The following EMCN variants were observed in gnomAD, a reference collection of about 807,000 sequenced individuals.
The protein encoded by EMCN is endomucin, also known as MUC-14.
A neutral mutation model predicts 38.4 loss-of-function variants in EMCN; 37 were observed. The observed-to-expected ratio is 0.96, with a 90% CI of 0.74 to 1.27. The LOEUF is 1.27. Among genes scored for constraint, EMCN ranks in the 50% most tolerant of loss-of-function variants. The probability of loss-of-function intolerance (pLI) is 0.00; values close to 1 mark genes in which losing one functional copy is unlikely to be tolerated. For missense variants in EMCN, 318 were observed against 302.8 expected, an observed-to-expected ratio of 1.05 and a Z score of -0.37; for synonymous variants, 95 against 100.8, an observed-to-expected ratio of 0.94 and a Z score of 0.35.
In EMCN at chr4:100,475,658, CCTTTTT is replaced by C. The variant is rs1728618850; in HGVS notation, c.188-555_188-550del. Among the ~76,000 whole-genome samples the C allele has an allele frequency of 1.3e-4, 14 of 108,102 alleles. 1 individual carries two copies. The highest frequency in any genetic ancestry group is 3.7e-4 in the African/African-American group (10 of 27,108). 70.9% of individuals were successfully genotyped at this position (108,102 alleles called of 152,430 possible). A position where few individuals can be genotyped will look rare whatever the true frequency, so the allele number is the denominator to read the frequency against. On this transcript the variant is annotated intron_variant, in intron 2 of 11. Coordinates refer to ENST00000296420, the MANE Select transcript of EMCN (RefSeq NM_016242.4). ...CTTGAGGGCAGTATCCAATTCTAGT[CCTTTTT>C]TTTTTTTTTTTTTTTTTTTTTTTTT...
chr4:100,468,954 G>A (rs1363119531), intron 3 of EMCN, among the ~76,000 whole-genome samples: 1 of 151,808 alleles, frequency 6.6e-6, no homozygotes, highest in Non-Finnish European at 1.5e-5. Flanking sequence ...TAAAAGTAGA[G>A]GCATCACACT....
intron 5 of EMCN, among the ~76,000 whole-genome samples, chr4:100,424,283 T>C (rs1726984187): frequency 6.6e-6 from 1 of 152,142 alleles, no homozygotes. Context: ...CAGTATGAAG[T>C]GCTCTATTTA....
intron 5 of EMCN, among the ~76,000 whole-genome samples, chr4:100,430,894 T>C (rs1727178030): frequency 6.6e-6 from 1 of 152,200 alleles, no homozygotes; most frequent in Non-Finnish European, 1.5e-5. Flanking sequence ...AAAATCTAGA[T>C]ATTACTCTGC....
At chr4:100,505,118 C>T (rs1729447781) in intron 1 of EMCN, among the ~76,000 whole-genome samples, 1 of 152,196 alleles carries the variant, frequency 6.6e-6, no homozygotes, top group African/African-American at 2.4e-5. Flanking sequence ...ATGACCTTAC[C>T]TATCATTGGA....
intron 9 of EMCN, 112 bp from the exon 10 acceptor site, chr4:100,416,071 AAT>A (rs1726722692): frequency 1.7e-6 from 1 of 575,426 alleles, no homozygotes; most frequent in African/African-American, 2.0e-5. Context: ...ATATATATAT[AAT>A]GTGTGTGTAT....
intron 5 of EMCN, among the ~76,000 whole-genome samples, chr4:100,443,497 G>T (rs1727580959): frequency 6.6e-6 from 1 of 152,196 alleles, no homozygotes; most frequent in African/African-American, 2.4e-5. Context: ...TAGGGCAAAG[G>T]CTTAACAATT....
At chr4:100,420,104 C>T (rs900721038) in intron 8 of EMCN, among the ~76,000 whole-genome samples, 1 of 151,992 alleles carries the variant, frequency 6.6e-6, no homozygotes, top group Non-Finnish European at 1.5e-5. Context: ...ATTTACTGTA[C>T]CTTTAAAAAT....
intron 1 of EMCN, among the ~76,000 whole-genome samples, chr4:100,485,699 C>A (rs1191143998): frequency 6.6e-6 from 1 of 151,810 alleles, no homozygotes; most frequent in African/African-American, 2.4e-5. Flanking sequence ...GACCTGGCAC[C>A]AACTTCTTTT....
At chr4:100,484,476 T>C (rs1728890243) in intron 1 of EMCN, among the ~76,000 whole-genome samples, 1 of 152,190 alleles carries the variant, frequency 6.6e-6, no homozygotes, top group African/African-American at 2.4e-5. Context: ...GGCCTTGAAC[T>C]CCTGCGCTCA....
At position 100,479,832 on chromosome 4, in the gene EMCN, G is replaced by A. The variant is rs746924450; in HGVS notation, c.187+85C>T. The A allele has an allele frequency of 1.9e-4, 218 of 1,126,218 alleles. No homozygotes were observed. The Middle Eastern group carries it at 2.1e-3, about 11-fold the overall frequency. The allele number at this position is 1,126,218 out of a possible 1,614,324, so 69.8% of individuals were successfully genotyped here. A position where few individuals can be genotyped will look rare whatever the true frequency, so the allele number is the denominator to read the frequency against. ...TTATAACAATCAGATATAAGATCCC[G>A]AATTATTTTTTCATACTGATGTATA... is the stretch of plus-strand genomic sequence containing the variant. On this transcript the variant is annotated intron_variant, in intron 2 of 11. Transcript: ENST00000296420.
intron 1 of EMCN, among the ~76,000 whole-genome samples, chr4:100,506,495 C>A (rs1729483200): frequency 6.6e-6 from 1 of 151,692 alleles, no homozygotes; most frequent in Non-Finnish European, 1.5e-5. Flanking sequence ...AAAAAAGGGG[C>A]ATTTCTCAAT....
rs1049773067 is a variant in EMCN at position 100,398,089 on chromosome 4, C to T, written c.*324G>A. On this transcript the variant is annotated 3_prime_UTR_variant, in exon 12 of 12. Transcript: ENST00000296420. Reference sequence around the variant, plus strand: ...CATTAAGGAAAGTCATGCCTATCAGCGAGCCCACCTCCTGGGCTGTCAGAT... The same window carrying T: ...CATTAAGGAAAGTCATGCCTATCAGTGAGCCCACCTCCTGGGCTGTCAGAT... The T allele has an allele frequency of 2.0e-5, 3 of 151,874 alleles. No individual in the cohort carries two copies. Among genetic ancestry groups the T allele is most frequent in the Non-Finnish European group, 4.4e-5 (3 of 67,994 alleles). 9.4% of individuals were successfully genotyped at this position (151,874 alleles called of 1,614,324 possible).
chr4:100,400,573 A>G (rs752870855), intron 11 of EMCN, among the ~76,000 whole-genome samples: 9 of 152,106 alleles, frequency 5.9e-5, no homozygotes, highest in Non-Finnish European at 1.0e-4. Flanking sequence ...CCCTCCTTAT[A>G]TCTGGGATAG....
Position 100,425,329 on chromosome 4 carries a change from C to T in EMCN, c.416-1925G>A, listed in dbSNP as rs116160397. Among the ~76,000 whole-genome samples, 7 of 128,836 alleles carry T rather than the reference C, an allele frequency of 5.4e-5. No homozygotes were observed. The South Asian group carries it at 8.3e-4, about 15-fold the overall frequency. The allele number at this position is 128,836 out of a possible 152,430, so 84.5% of individuals were successfully genotyped here. On this transcript the variant is annotated intron_variant, in intron 5 of 11. Transcript: ENST00000296420. ...TGTTATTCTTTCTGTGACTAAGATGCGGAATCCATGACATGCTCAGAGCCT... is the reference window on the plus strand; with the variant it reads ...TGTTATTCTTTCTGTGACTAAGATGTGGAATCCATGACATGCTCAGAGCCT...
chr4:100,425,595 G>A, intron 5 of EMCN, among the ~76,000 whole-genome samples: 1 of 151,786 alleles, frequency 6.6e-6, no homozygotes, highest in East Asian at 1.9e-4. Context: ...TCTACATCAT[G>A]GTATTGTGAA....
At chr4:100,447,971 A>G (rs1727724920) in intron 4 of EMCN, among the ~76,000 whole-genome samples, 1 of 151,948 alleles carries the variant, frequency 6.6e-6, no homozygotes, top group Admixed American at 6.6e-5. Flanking sequence ...GTCTTGCTTT[A>G]TAGGATCTGG....
At chr4:100,416,102 G>A in intron 9 of EMCN, 143 bp from the exon 10 acceptor site, 1 of 451,828 alleles carries the variant, frequency 2.2e-6, no homozygotes. Context: ...GTGTGTGTGT[G>A]TGTATACATA....
chr4:100,453,255 T>A (rs1022293184), intron 4 of EMCN, among the ~76,000 whole-genome samples: 2 of 151,232 alleles, frequency 1.3e-5, no homozygotes, highest in Non-Finnish European at 2.9e-5. Flanking sequence ...TGGGAGAAAA[T>A]TTTTGCAACC....
intron 1 of EMCN, among the ~76,000 whole-genome samples, chr4:100,501,687 C>A (rs903829545): frequency 6.6e-6 from 1 of 152,098 alleles, no homozygotes; most frequent in Admixed American, 6.5e-5. Context: ...TATTCTCATA[C>A]AAATAATGCA....
Sources: allele counts gnomAD v4.1 joint callset (sites outside exome capture counted in the v4.1 genomes callset), GRCh38; gene constraint gnomAD v4.1.1; transcripts MANE v1.5; gene names NCBI Gene and HGNC (gene_info 2026-07-23, HGNC 2026-07-21).